The following RBL2 variants were observed in gnomAD, a reference collection of about 807,000 sequenced individuals.
The protein encoded by RBL2 is retinoblastoma-like protein 2.
In RBL2, 56 loss-of-function variants were observed where a neutral mutation model predicts 126.0. That is an observed-to-expected ratio of 0.44 (90% confidence interval 0.36 to 0.56). The LOEUF (loss-of-function observed/expected upper bound fraction) is 0.56. Ranked by LOEUF, RBL2 falls within the 20% of genes least tolerant of loss-of-function variation. The pLI is 0.00. For synonymous variants in RBL2, 454 were observed against 478.5 expected (o/e 0.95, Z 0.67); for missense variants, 1,229 against 1,398.2 (o/e 0.88, Z 1.93).
intron 17 of RBL2, among the ~76,000 whole-genome samples, chr16:53,471,720 C>T (rs1175655193): frequency 6.6e-5 from 10 of 152,076 alleles, no homozygotes; most frequent in African/African-American, 2.2e-4. Flanking sequence ...CTGCCCACCT[C>T]GGCCTCCCAA....
intron 9 of RBL2, among the ~76,000 whole-genome samples, chr16:53,460,161 A>G (rs1164625778): frequency 6.6e-6 from 1 of 152,174 alleles, no homozygotes; most frequent in Non-Finnish European, 1.5e-5. Context: ...AATATCATTG[A>G]GTTTTAATTA....
chr16:53,473,636 A>C (rs1476053288), intron 17 of RBL2, among the ~76,000 whole-genome samples: 1 of 151,616 alleles, frequency 6.6e-6, no homozygotes, highest in Non-Finnish European at 1.5e-5. Context: ...GATGCCTTTT[A>C]TTTCTTTTTC....
At chr16:53,450,165 T>C (rs1404046126) in intron 4 of RBL2, among the ~76,000 whole-genome samples, 1 of 152,180 alleles carries the variant, frequency 6.6e-6, no homozygotes, top group Non-Finnish European at 1.5e-5. Flanking sequence ...CACAGTTTAA[T>C]GTGTTGATTA....
chr16:53,449,796 T>G (rs2058097061), intron 4 of RBL2, among the ~76,000 whole-genome samples: 1 of 152,074 alleles, frequency 6.6e-6, no homozygotes, highest in African/African-American at 2.4e-5. Context: ...CTTGTTATCT[T>G]TGTTGATTAA....
rs12448000 is a variant in RBL2 at position 53,447,035 on chromosome 16, C to T, written c.573-7C>T. 16 of 1,499,232 alleles carry T rather than the reference C, an allele frequency of 1.1e-5. No individual in the cohort carries two copies. In the Admixed American group the frequency reaches 3.2e-4, roughly 30 times the overall value. The allele number at this position is 1,499,232 out of a possible 1,614,324, so 92.9% of individuals were successfully genotyped here. ...GTCTCATGACTTTTTTTTTTCTTCCCCCAAAGGCGACAGCCCTGTACTGTG... is the reference window on the plus strand; with the variant it reads ...GTCTCATGACTTTTTTTTTTCTTCCTCCAAAGGCGACAGCCCTGTACTGTG... On this transcript the variant is annotated splice_polypyrimidine_tract_variant and splice_region_variant and intron_variant, in intron 3 of 21. Coordinates refer to ENST00000262133, the MANE Select transcript of RBL2 (RefSeq NM_005611.4).
In RBL2 at chr16:53,490,288, T is replaced by C; in HGVS notation, c.3408T>C (p.Arg1136=). 6.2e-7 allele frequency: 1 copy of C among 1,608,312 alleles called. No homozygotes were observed. Among genetic ancestry groups the C allele is most frequent in the Middle Eastern group, 1.7e-4 (1 of 6,038 alleles). ...GTCTCCAAGATGTAGCTAATGACCG[T>C]GGTTCCCACTGAGGTTAGTCTCTTG... The part of the protein sequence containing the change: ...LRRLQDVAND[R]GSH Residue 1136 remains arginine, a synonymous_variant, in exon 22 of 22, where the codon CGT becomes CGC. Coordinates refer to ENST00000262133, the MANE Select transcript of RBL2 (RefSeq NM_005611.4).
chr16:53,464,204 T>G (rs1308273429), intron 11 of RBL2, 22 bp from the exon 12 acceptor site: 1 of 1,506,400 alleles, frequency 6.6e-7, no homozygotes, highest in East Asian at 2.4e-5. Flanking sequence ...ATGTTTCTAA[T>G]GCTAATAACT....
chr16:53,442,924 A>G, intron 3 of RBL2, 66 bp downstream of exon 3: 2 of 1,196,288 alleles, frequency 1.7e-6, no homozygotes, highest in East Asian at 2.7e-5. Flanking sequence ...ATATTCTGCT[A>G]GGTTTTTTTT....
intron 17 of RBL2, among the ~76,000 whole-genome samples, chr16:53,471,280 G>A (rs577773962): frequency 1.3e-5 from 2 of 152,220 alleles, no homozygotes; most frequent in South Asian, 4.1e-4. Flanking sequence ...GGGCTGCTGG[G>A]TCATACATTA....
At chr16:53,451,961 T>C (rs769479574) in intron 5 of RBL2, 130 bp downstream of exon 5, 40 of 1,011,892 alleles carry the variant, frequency 4.0e-5, no homozygotes, top group African/African-American at 6.4e-5. Context: ...AGGGTACTTA[T>C]AACTAAGAGT....
chr16:53,437,308 GT>G (rs773590950), intron 1 of RBL2, among the ~76,000 whole-genome samples: 161 of 138,454 alleles, frequency 1.2e-3, no homozygotes, highest in Middle Eastern at 3.7e-3. Context: ...GATCTTGGCT[GT>G]TTTTTTTTTT....
intron 17 of RBL2, 56 bp from the exon 18 acceptor site, chr16:53,479,098 C>T: frequency 7.2e-7 from 1 of 1,396,712 alleles, no homozygotes; most frequent in Non-Finnish European, 1.0e-6. Context: ...CAGAGCTCCT[C>T]ACACTATTAT....
chr16:53,440,639 T>C (rs934679155), intron 2 of RBL2, among the ~76,000 whole-genome samples: 1 of 152,156 alleles, frequency 6.6e-6, no homozygotes, highest in African/African-American at 2.4e-5. Flanking sequence ...TTGCAGCCTC[T>C]GCCTCCCAGG....
chr16:53,491,274 T>C lies in RBL2; in HGVS notation c.*974T>C, dbSNP rs937736570. 1 of 152,194 alleles carries C rather than the reference T, an allele frequency of 6.6e-6. No individual in the cohort carries two copies. The highest frequency in any genetic ancestry group is 2.4e-5 in the African/African-American group (1 of 41,452). The allele number at this position is 152,194 out of a possible 1,614,324, so 9.4% of individuals were successfully genotyped here. ...TCTATTAAGGTGATATATTTAAAAA[T>C]ATTTTTGGGTGTTCCTGGCAGTTTA... On this transcript the variant is annotated 3_prime_UTR_variant, in exon 22 of 22. Coordinates refer to ENST00000262133, the MANE Select transcript of RBL2 (RefSeq NM_005611.4).
chr16:53,447,848 T>C (rs2058077118), intron 4 of RBL2, among the ~76,000 whole-genome samples: 1 of 152,164 alleles, frequency 6.6e-6, no homozygotes, highest in African/African-American at 2.4e-5. Context: ...TTTCACCATG[T>C]TGGCCAGGCT....
At chr16:53,441,660 A>G (rs2058017502) in intron 2 of RBL2, among the ~76,000 whole-genome samples, 1 of 152,188 alleles carries the variant, frequency 6.6e-6, no homozygotes, top group Admixed American at 6.5e-5. Context: ...AACACGTAAT[A>G]AGATATTGCT....
chr16:53,473,452 TTTCA>T (rs1193497133), intron 17 of RBL2, among the ~76,000 whole-genome samples: 2 of 151,806 alleles, frequency 1.3e-5, no homozygotes, highest in Non-Finnish European at 2.9e-5. Flanking sequence ...AGTGTAGTTG[TTTCA>T]TTGTTAACGT....
intron 3 of RBL2, 48 bp downstream of exon 3, chr16:53,442,906 C>T: frequency 7.5e-7 from 1 of 1,341,902 alleles, no homozygotes; most frequent in East Asian, 2.5e-5. Flanking sequence ...GTCTGTGCTG[C>T]AGTGTTGATA....
At chr16:53,471,105 T>A (rs2058319220) in intron 17 of RBL2, among the ~76,000 whole-genome samples, 183 bp downstream of exon 17, 1 of 152,256 alleles carries the variant, frequency 6.6e-6, no homozygotes, top group African/African-American at 2.4e-5. Context: ...GAACATAATA[T>A]TCCATTGTAT....
Sources: allele counts gnomAD v4.1 joint callset (sites outside exome capture counted in the v4.1 genomes callset), GRCh38; gene constraint gnomAD v4.1.1; transcripts MANE v1.5; gene names NCBI Gene and HGNC (gene_info 2026-07-23, HGNC 2026-07-21).